OPA1: variants seen among roughly 807,000 people sequenced by gnomAD.
OPA1 encodes dynamin-like GTPase OPA1, mitochondrial.
OPA1 carries 59 observed loss-of-function variants against 152.9 expected under a neutral mutation model. The ratio of observed to expected loss-of-function variants is 0.39; its 90% CI spans 0.31 to 0.48. OPA1 has a LOEUF of 0.48. Among genes scored for constraint, OPA1 ranks in the 20% least tolerant of loss-of-function variants. The pLI, the probability that OPA1 is intolerant of heterozygous loss-of-function variation, is 0.96. For missense variants in OPA1, 1,008 were observed against 1,216.8 expected (o/e 0.83, Z 2.55); for synonymous variants, 400 against 389.9 (o/e 1.03, Z -0.31).
intron 10 of OPA1, 118 bp from the exon 11 acceptor site, chr3:193,637,833 AT>A: frequency 1.2e-6 from 1 of 830,414 alleles, no homozygotes; most frequent in Non-Finnish European, 2.0e-6. Context: ...ATTTTAAAAT[AT>A]TTTTTCACCT....
At chr3:193,596,877 G>A (rs1279888947) in intron 1 of OPA1, 5 of 152,200 alleles carry the variant, frequency 3.3e-5, no homozygotes, top group Admixed American at 6.5e-5. Context: ...GGTACAGGCT[G>A]CGGCTTGTGA....
At position 193,659,519 on chromosome 3, in the gene OPA1, GAAA is replaced by G. The variant is rs763175838; in HGVS notation, c.2481_2483del (p.Lys828del). Reference sequence around the variant, plus strand: ...TTGAAAACATGGTGGGTCCAGACTGGAAAAAGAGGTGGTTATACTGGAAGAATC... The same window carrying G: ...TTGAAAACATGGTGGGTCCAGACTGGAAGAGGTGGTTATACTGGAAGAATC... On this transcript the variant is annotated inframe_deletion, in exon 25 of 31. Transcript: ENST00000361510. 16 of 1,612,088 alleles carry G rather than the reference GAAA, an allele frequency of 9.9e-6. No homozygotes were observed. Among genetic ancestry groups the G allele is most frequent in the Non-Finnish European group, 8.5e-7 (1 of 1,179,016 alleles).
chr3:193,649,198 A>G (rs1476225696), intron 21 of OPA1, among the ~76,000 whole-genome samples: 1 of 152,180 alleles, frequency 6.6e-6, no homozygotes, highest in East Asian at 1.9e-4. Flanking sequence ...AAATTGATTT[A>G]TAAAGGGAGT....
chr3:193,615,530 T>G, intron 2 of OPA1, 144 bp from the exon 3 acceptor site: 1 of 669,062 alleles, frequency 1.5e-6, no homozygotes, highest in South Asian at 1.7e-5. Context: ...GCTTGTTTGC[T>G]GAGACCACTT....
intron 1 of OPA1, among the ~76,000 whole-genome samples, chr3:193,606,351 TG>T (rs1160625392): frequency 6.6e-6 from 1 of 152,286 alleles, no homozygotes; most frequent in Non-Finnish European, 1.5e-5. Flanking sequence ...TGTGCCATGT[TG>T]GTGTGCTGCA....
At chr3:193,691,016 C>A (rs1721600123) in intron 29 of OPA1, among the ~76,000 whole-genome samples, 1 of 151,830 alleles carries the variant, frequency 6.6e-6, no homozygotes, top group South Asian at 2.1e-4. Context: ...GTGTTCAGGA[C>A]CAGCCTGGGC....
At chr3:193,617,869 C>G in intron 5 of OPA1, 32 bp downstream of exon 5, 1 of 1,528,674 alleles carries the variant, frequency 6.5e-7, no homozygotes, top group Non-Finnish European at 9.1e-7. Flanking sequence ...CTGACCTTAA[C>G]ATGCCTTTTA....
At chr3:193,596,335 C>CCTTTCCTTTCCTTTCCTTTCCTTTT (rs1224361507) in intron 1 of OPA1, among the ~76,000 whole-genome samples, 74 of 126,638 alleles carry the variant, frequency 5.8e-4, no homozygotes, top group Middle Eastern at 8.8e-3. Context: ...CCTTTCCTTT[C>CCTTTCCTTTCCTTTCCTTTCCTTTT]CTTTTCTTTT....
intron 16 of OPA1, 79 bp downstream of exon 16, chr3:193,644,184 AC>A (rs1241175220): frequency 2.7e-6 from 4 of 1,469,026 alleles, no homozygotes; most frequent in Admixed American, 3.4e-5. Context: ...ATTTAAAAAA[AC>A]AACAACAACA....
At chr3:193,597,452 A>C (rs1725778883) in intron 1 of OPA1, among the ~76,000 whole-genome samples, 1 of 152,138 alleles carries the variant, frequency 6.6e-6, no homozygotes, top group Non-Finnish European at 1.5e-5. Flanking sequence ...GCACTTTGGG[A>C]GGCCGAGGTG....
intron 10 of OPA1, 27 bp from the exon 11 acceptor site, chr3:193,637,921 TATGA>T: frequency 6.5e-7 from 1 of 1,543,556 alleles, no homozygotes; most frequent in Non-Finnish European, 9.0e-7. Flanking sequence ...ATCAGAAAAA[TATGA>T]ATAAGTGTTC....
chr3:193,658,082 C>T (rs956177217), intron 23 of OPA1, among the ~76,000 whole-genome samples: 39 of 151,938 alleles, frequency 2.6e-4, no homozygotes, highest in African/African-American at 8.7e-4. Flanking sequence ...CCCGTCTCTA[C>T]TAAAAATACA....
intron 13 of OPA1, 33 bp from the exon 14 acceptor site, chr3:193,643,340 T>C: frequency 1.3e-6 from 2 of 1,533,830 alleles, no homozygotes; most frequent in East Asian, 2.2e-5. Context: ...CCCCAAACTT[T>C]AGCATTGTTT....
intron 6 of OPA1, among the ~76,000 whole-genome samples, chr3:193,624,845 A>G (rs1055432791): frequency 3.3e-5 from 5 of 152,172 alleles, no homozygotes; most frequent in Non-Finnish European, 7.4e-5. Context: ...ACTTTAAGAC[A>G]CTTTCTAATT....
At chr3:193,619,713 A>G (rs1729692748) in intron 6 of OPA1, 1 of 152,288 alleles carries the variant, frequency 6.6e-6, no homozygotes, top group Non-Finnish European at 1.5e-5. Flanking sequence ...TAGAAAAAAT[A>G]TTGTATGAAT....
At chr3:193,615,854 G>C (rs1728933119) in intron 3 of OPA1, 84 bp downstream of exon 3, 1 of 830,382 alleles carries the variant, frequency 1.2e-6, no homozygotes, top group Admixed American at 1.7e-5. Flanking sequence ...CTTAACTTAT[G>C]AACCTAATAT....
intron 8 of OPA1, among the ~76,000 whole-genome samples, chr3:193,634,651 G>A (rs182391654): frequency 5.9e-5 from 9 of 152,222 alleles, no homozygotes; most frequent in Admixed American, 2.6e-4. Flanking sequence ...ATCGTGATCC[G>A]TCTGCCTCGG....
At chr3:193,677,863 T>C (rs1043370093) in intron 29 of OPA1, among the ~76,000 whole-genome samples, 3 of 152,210 alleles carry the variant, frequency 2.0e-5, no homozygotes, top group Admixed American at 6.5e-5. Context: ...CTGCTGGTTG[T>C]GATGCTGAGG....
intron 1 of OPA1, among the ~76,000 whole-genome samples, chr3:193,609,656 C>T (rs1343581608): frequency 6.6e-6 from 1 of 152,198 alleles, no homozygotes; most frequent in African/African-American, 2.4e-5. Flanking sequence ...TCCATTCTTC[C>T]CGTCACTTTC....
Sources: gnomAD v4.1 joint callset for allele counts (sites outside exome capture counted in the v4.1 genomes callset) on GRCh38, gnomAD v4.1.1 for gene constraint, MANE v1.5 for transcripts, NCBI Gene and HGNC (gene_info 2026-07-23, HGNC 2026-07-21) for gene names.